C5orf34: variants seen among roughly 807,000 people sequenced by gnomAD.
C5orf34 encodes uncharacterized protein C5orf34.
A neutral mutation model predicts 78.4 loss-of-function variants in C5orf34; 73 were observed. The ratio of observed to expected loss-of-function variants is 0.93; its 90% CI spans 0.77 to 1.13. C5orf34 has a LOEUF of 1.13. C5orf34 is among the 50% of genes most tolerant of loss of function. The pLI is 0.00. For synonymous variants in C5orf34, 251 were observed against 246.6 expected, an observed-to-expected ratio of 1.02 and a Z score of -0.17; for missense variants, 730 against 732.7, an observed-to-expected ratio of 1.00 and a Z score of 0.04.
In C5orf34 at chr5:43,506,278, G is replaced by T. The variant is rs186385218; in HGVS notation, c.402C>A (p.Leu134=). 3.1e-6 allele frequency: 5 copies of T among 1,614,168 alleles called. No homozygotes were observed. Among genetic ancestry groups the T allele is most frequent in the Non-Finnish European group, 4.2e-6 (5 of 1,180,024 alleles). The change falls in exon 4 of 13, where the codon CTC becomes CTA. Residue 134 remains leucine (L), a synonymous_variant. Transcript: ENST00000306862. ...KITSLDGHAY[L]CLPRSQHEFT... is the part of the protein sequence containing the mutation. Reference sequence around the variant, plus strand: ...ATTCATGCTGAGATCTGGGCAGGCAGAGGTATGCATGACCATCTAAAGATG... The same window carrying T: ...ATTCATGCTGAGATCTGGGCAGGCATAGGTATGCATGACCATCTAAAGATG...
chr5:43,510,378 A>G (rs1473515611), intron 1 of C5orf34, among the ~76,000 whole-genome samples: 2 of 152,100 alleles, frequency 1.3e-5, no homozygotes, highest in African/African-American at 4.8e-5. Flanking sequence ...GTCTTCACCT[A>G]TGCTCTCCAT....
In C5orf34 at chr5:43,492,855, C is replaced by T; in HGVS notation, c.1350G>A (p.Leu450=). ...TGGGTATGAGTGACTCTTTCAAAAC[C>T]AAAGGCAGTATATTGCTATCATTTA... ...PGINDSNILP[L]VLKESLIPSV... is the part of the protein sequence containing the mutation. The change falls in exon 9 of 13, where the codon TTG becomes TTA. Residue 450 remains leucine, a synonymous_variant. Transcript: ENST00000306862. 1 of 1,609,904 alleles carries T rather than the reference C, an allele frequency of 6.2e-7. No homozygotes were observed. Among genetic ancestry groups the T allele is most frequent in the Non-Finnish European group, 8.5e-7 (1 of 1,177,180 alleles).
chr5:43,488,677 A>G (rs1745154161), intron 11 of C5orf34, among the ~76,000 whole-genome samples: 1 of 152,134 alleles, frequency 6.6e-6, no homozygotes, highest in African/African-American at 2.4e-5. Context: ...CATGTTCTAT[A>G]GAAAGATAGT....
intron 3 of C5orf34, among the ~76,000 whole-genome samples, chr5:43,507,481 T>G (rs1746036601): frequency 6.6e-6 from 1 of 152,238 alleles, no homozygotes; most frequent in Non-Finnish European, 1.5e-5. Flanking sequence ...ATAATCCTGC[T>G]GCAGCATCAG....
chr5:43,505,769 C>A lies in C5orf34; in HGVS notation c.911G>T (p.Cys304Phe). The A allele has an allele frequency of 6.3e-7, 1 of 1,587,124 alleles. No individual in the cohort carries two copies. Among genetic ancestry groups the A allele is most frequent in the African/African-American group, 1.3e-5 (1 of 74,438 alleles). ...TTACCTGTGTAGGTGTGGGACTGGA[C>A]AGCTGAGTGACAGGGCCCTGGGAAG... ...SVLPRALSLS[C>F]PVPHLHRWNF... is the part of the protein sequence containing the mutation. Residue 304 changes from cysteine to phenylalanine, a missense_variant, in exon 4 of 13, where the codon TGT becomes TTT. Coordinates refer to ENST00000306862, the MANE Select transcript of C5orf34 (RefSeq NM_198566.4).
At chr5:43,495,349 G>C in intron 6 of C5orf34, 3 of 1,611,786 alleles carry the variant, frequency 1.9e-6, no homozygotes, top group Non-Finnish European at 2.5e-6. Context: ...CAGCAAACTT[G>C]CATGCAATGT....
At chr5:43,487,797 G>A (rs555075049) in intron 12 of C5orf34, 112 bp downstream of exon 12, 1 of 777,456 alleles carries the variant, frequency 1.3e-6, no homozygotes, top group Non-Finnish European at 2.1e-6. Flanking sequence ...CTCAATAAAG[G>A]TTAGCAATAT....
Position 43,514,862 on chromosome 5 carries a change from G to A in C5orf34, c.-93C>T, listed in dbSNP as rs1746419473. 1 of 152,206 alleles carries A rather than the reference G, an allele frequency of 6.6e-6. No homozygotes were observed. The highest frequency in any genetic ancestry group is 6.5e-5 in the Admixed American group (1 of 15,284). The allele number at this position is 152,206 out of a possible 1,614,324, so 9.4% of individuals were successfully genotyped here. ...AGGCCCAGCAACGGTCCCTGGCTTT[G>A]ATTTGCCAAAATGCTCTGGAAGCCG... On this transcript the variant is annotated 5_prime_UTR_variant, in exon 1 of 13. Transcript: ENST00000306862.
rs7712914 is a variant in C5orf34 at position 43,494,112 on chromosome 5, A to G, written c.1244+398T>C. On this transcript the variant is annotated intron_variant, in intron 7 of 12. Coordinates refer to ENST00000306862, the MANE Select transcript of C5orf34 (RefSeq NM_198566.4). ...AACATATGAACCAAAGAACCAATCT[A>G]TGCTTTATCATTAGTATATTTTCAG... 9.5e-3 allele frequency among the ~76,000 whole-genome samples: 1,442 copies of G among 152,330 alleles called. 18 individuals carry two copies. The highest frequency in any genetic ancestry group is 0.033 in the African/African-American group (1,389 of 41,594).
intron 6 of C5orf34, chr5:43,496,567 CAA>C: frequency 1.5e-6 from 1 of 673,958 alleles, no homozygotes; most frequent in Non-Finnish European, 2.2e-6. Context: ...CCTATTCATT[CAA>C]AAGTTTTTTT....
Position 43,486,911 on chromosome 5 carries a change from T to A in C5orf34, c.*4A>T, listed in dbSNP as rs1745091973. The A allele has an allele frequency of 6.7e-7, 1 of 1,492,274 alleles. No individual in the cohort carries two copies. The highest frequency in any genetic ancestry group is 8.9e-7 in the Non-Finnish European group (1 of 1,118,914). 92.4% of individuals were successfully genotyped at this position (1,492,274 alleles called of 1,614,324 possible). ...TTAATAATATGTTGTAATAATTCCA[T>A]TTTTCACTTTTTAGAGTTTGATAGA... is the stretch of plus-strand genomic sequence containing the variant. On this transcript the variant is annotated 3_prime_UTR_variant, in exon 13 of 13. Coordinates refer to ENST00000306862, the MANE Select transcript of C5orf34 (RefSeq NM_198566.4).
intron 6 of C5orf34, chr5:43,496,490 T>C (rs1745530800): frequency 6.7e-7 from 1 of 1,487,132 alleles, no homozygotes; most frequent in Admixed American, 2.1e-5. Flanking sequence ...AACACCTGTG[T>C]TCTGGTGGCA....
At chr5:43,492,117 AC>A in intron 10 of C5orf34, 97 bp downstream of exon 10, 1 of 813,724 alleles carries the variant, frequency 1.2e-6, no homozygotes, top group South Asian at 1.8e-5. Context: ...ACATGGAAAA[AC>A]TAAAAATATA....
chr5:43,508,220 T>C (rs1286017137), intron 3 of C5orf34, among the ~76,000 whole-genome samples: 1 of 152,160 alleles, frequency 6.6e-6, no homozygotes, highest in Non-Finnish European at 1.5e-5. Context: ...CCTCAGTAAA[T>C]GACAGTTATT....
chr5:43,510,720 G>C (rs1329958274), intron 1 of C5orf34, among the ~76,000 whole-genome samples: 1 of 152,272 alleles, frequency 6.6e-6, no homozygotes, highest in Non-Finnish European at 1.5e-5. Context: ...CGGGATTGCA[G>C]ACAGAGTCTC....
Position 43,495,488 on chromosome 5 carries a change from T to C in C5orf34, c.1153-887A>G, listed in dbSNP as rs577150835. On this transcript the variant is annotated intron_variant, in intron 6 of 12. Coordinates refer to ENST00000306862, the MANE Select transcript of C5orf34 (RefSeq NM_198566.4). ...GTCATTTTTGCTGTCACCAGCAACG[T>C]TGCCACGACGAACATCCTTGACAGA... 267 of 1,607,266 alleles carry C rather than the reference T, an allele frequency of 1.7e-4. 2 individuals are homozygous for C. The highest frequency in any genetic ancestry group is 1.4e-3 in the South Asian group (128 of 90,912).
chr5:43,500,349 C>T (rs1745705815), intron 6 of C5orf34, among the ~76,000 whole-genome samples: 6 of 151,990 alleles, frequency 3.9e-5, no homozygotes, highest in Admixed American at 3.9e-4. Flanking sequence ...GGAATATCTT[C>T]TGGGCTTTTG....
chr5:43,494,673 T>C (rs1745423960), intron 6 of C5orf34, 72 bp from the exon 7 acceptor site: 1 of 773,818 alleles, frequency 1.3e-6, no homozygotes, highest in African/African-American at 1.7e-5. Flanking sequence ...TGCTTTTCCT[T>C]GAAATATGTT....
rs926877785 is a variant in C5orf34, at chr5:43,510,309, T to C, written c.-36-934A>G. Among the ~76,000 whole-genome samples, 6 of 152,336 alleles carry C rather than the reference T, an allele frequency of 3.9e-5. No homozygotes were observed. The East Asian group carries it at 9.6e-4, about 24-fold the overall frequency. On this transcript the variant is annotated intron_variant, in intron 1 of 12. Transcript: ENST00000306862. ...CTGAGCAACTTAATCTCCTATTATC[T>C]TGGATTTGTCCTTATTTCTCTGCAT...
Sources: gnomAD v4.1 joint callset for allele counts (sites outside exome capture counted in the v4.1 genomes callset) on GRCh38, gnomAD v4.1.1 for gene constraint, MANE v1.5 for transcripts, NCBI Gene and HGNC (gene_info 2026-07-23, HGNC 2026-07-21) for gene names.